DIAPH2: variants seen among roughly 807,000 people sequenced by gnomAD.
DIAPH2 encodes diaphanous related formin 2.
A neutral mutation model predicts 92.7 loss-of-function variants in DIAPH2; 35 were observed. The ratio of observed to expected loss-of-function variants is 0.38; its 90% CI spans 0.29 to 0.50. The LOEUF (loss-of-function observed/expected upper bound fraction) is 0.50, where lower values mean the gene tolerates loss of function less well. Ranked by LOEUF, DIAPH2 falls within the 20% of genes least tolerant of loss-of-function variation. DIAPH2 has a pLI of 0.94. For missense variants in DIAPH2, 701 were observed against 819.5 expected (o/e 0.86, Z 1.77); for synonymous variants, 301 against 280.4 (o/e 1.07, Z -0.73).
chrX:96,748,391 A>T (rs1047758173), intron 3 of DIAPH2, among the ~76,000 whole-genome samples: 4 of 112,062 alleles, frequency 3.6e-5, no homozygotes, highest in Admixed American at 1.9e-4. Context: ...ATAGCTGTGA[A>T]TAGGCTACTG....
At chrX:97,217,873 G>A (rs1157105219) in intron 22 of DIAPH2, among the ~76,000 whole-genome samples, 1 of 110,768 alleles carries the variant, frequency 9.0e-6, no homozygotes, top group African/African-American at 3.3e-5. Context: ...TTGAACCCAG[G>A]AAGCAGAGGT....
At chrX:97,424,782 A>AT (rs895032900) in intron 25 of DIAPH2, among the ~76,000 whole-genome samples, 4 of 107,408 alleles carry the variant, frequency 3.7e-5, no homozygotes, top group Non-Finnish European at 7.7e-5. Flanking sequence ...ACACCCAGCT[A>AT]TTTTTTTTTC....
chrX:97,094,218 G>A (rs868269516), intron 19 of DIAPH2, among the ~76,000 whole-genome samples: 59 of 111,582 alleles, frequency 5.3e-4, no homozygotes, highest in African/African-American at 1.8e-3. Flanking sequence ...GTCAGGGCTG[G>A]AGACGTTCAT....
chrX:97,084,980 G>A (rs904127854), intron 19 of DIAPH2, among the ~76,000 whole-genome samples: 4 of 111,943 alleles, frequency 3.6e-5, no homozygotes, highest in African/African-American at 1.3e-4. Context: ...TGTCTTTGGT[G>A]TTGTAAAATT....
At chrX:97,415,232 G>GGAAC (rs1291629974) in intron 25 of DIAPH2, among the ~76,000 whole-genome samples, 1 of 111,850 alleles carries the variant, frequency 8.9e-6, no homozygotes, top group East Asian at 2.8e-4. Context: ...TGGAGAAATA[G>GGAAC]GAACGCTTTT....
intron 5 of DIAPH2, among the ~76,000 whole-genome samples, chrX:96,889,432 A>G (rs1338083999): frequency 8.9e-6 from 1 of 111,922 alleles, no homozygotes; most frequent in African/African-American, 3.2e-5. Flanking sequence ...ATTTATTCCA[A>G]TTTGCCATCA....
At chrX:96,960,382 G>A (rs1602665346) in intron 16 of DIAPH2, among the ~76,000 whole-genome samples, 1 of 110,123 alleles carries the variant, frequency 9.1e-6, no homozygotes, top group East Asian at 2.8e-4. Flanking sequence ...AAATGAGATT[G>A]CCTTTTTATT....
intron 4 of DIAPH2, among the ~76,000 whole-genome samples, chrX:96,780,262 AT>A (rs1042512411): frequency 2.7e-5 from 3 of 111,815 alleles, no homozygotes; most frequent in Non-Finnish European, 5.6e-5. Context: ...TTATAAATCA[AT>A]CCCCACTAAT....
intron 22 of DIAPH2, among the ~76,000 whole-genome samples, chrX:97,185,353 G>GTGTATATATATATATGTATATATATA (rs2067577012): frequency 5.4e-5 from 1 of 18,399 alleles, no homozygotes; most frequent in Non-Finnish European, 7.1e-5. Context: ...ATATATATAT[G>GTGTATATATATATATGTATATATATA]TGTGTATATA....
At chrX:97,426,349 C>T (rs1236855200) in intron 25 of DIAPH2, among the ~76,000 whole-genome samples, 3 of 107,020 alleles carry the variant, frequency 2.8e-5, no homozygotes, top group South Asian at 4.2e-4. Context: ...AGTGCAGTGG[C>T]GTGATCTCGG....
At chrX:96,988,979 G>T in intron 17 of DIAPH2, among the ~76,000 whole-genome samples, 1 of 109,563 alleles carries the variant, frequency 9.1e-6, no homozygotes, top group African/African-American at 3.3e-5. Flanking sequence ...TGTCCGAGGG[G>T]GACTGAAAGT....
intron 4 of DIAPH2, among the ~76,000 whole-genome samples, chrX:96,835,649 T>G (rs2064881301): frequency 8.9e-6 from 1 of 112,042 alleles, no homozygotes; most frequent in East Asian, 2.8e-4. Flanking sequence ...GATTTTATGT[T>G]TAAAGGATTT....
intron 26 of DIAPH2, chrX:97,469,881 T>C: frequency 9.6e-7 from 1 of 1,041,901 alleles, no homozygotes; most frequent in African/African-American, 1.9e-5. Context: ...TAAGGCTTTC[T>C]GATAAAATTT....
At chrX:97,185,455 GTATATATATATATATACACA>G (rs2067587897) in intron 22 of DIAPH2, among the ~76,000 whole-genome samples, 1 of 9,114 alleles carries the variant, frequency 1.1e-4, no homozygotes, top group Admixed American at 1.7e-3. Flanking sequence ...ATATGTGTGT[GTATATATATATATATACACA>G]TATATATATA....
At chrX:97,402,984 A>G (rs1414005422) in intron 25 of DIAPH2, among the ~76,000 whole-genome samples, 2 of 111,891 alleles carry the variant, frequency 1.8e-5, no homozygotes, top group African/African-American at 6.5e-5. Flanking sequence ...AGCTCCTTGC[A>G]AAATGAAAAT....
At chrX:97,258,870 CAAAAAAAAAAAA>C (rs141981932) in intron 23 of DIAPH2, among the ~76,000 whole-genome samples, 2 of 39,060 alleles carry the variant, frequency 5.1e-5, no homozygotes, top group Admixed American at 3.6e-4. Flanking sequence ...GACTCCGTCT[CAAAAAAAAAAAA>C]AAAAAAAAAC....
At chrX:97,392,701 AC>A (rs1430628062) in intron 25 of DIAPH2, among the ~76,000 whole-genome samples, 76 of 111,832 alleles carry the variant, frequency 6.8e-4, no homozygotes, top group African/African-American at 2.4e-3. Flanking sequence ...ACAGGAAAAT[AC>A]ATCAAAACGA....
chrX:97,151,119 TG>T (rs2067282420), intron 22 of DIAPH2, among the ~76,000 whole-genome samples: 1 of 111,787 alleles, frequency 8.9e-6, no homozygotes, highest in Admixed American at 9.5e-5. Flanking sequence ...GGTGGGTTCA[TG>T]ATTGGAATGG....
At chrX:97,245,141 T>G (rs2147547064) in intron 22 of DIAPH2, among the ~76,000 whole-genome samples, 1 of 110,219 alleles carries the variant, frequency 9.1e-6, no homozygotes, top group East Asian at 2.8e-4. Flanking sequence ...CTTTTGTTTT[T>G]TGTTTTTTTC....
Sources: allele counts gnomAD v4.1 joint callset (sites outside exome capture counted in the v4.1 genomes callset), GRCh38; gene constraint gnomAD v4.1.1; transcripts MANE v1.5; gene names NCBI Gene and HGNC (gene_info 2026-07-23, HGNC 2026-07-21).